The following NBAS variants were observed in gnomAD, a reference collection of about 807,000 sequenced individuals.
The protein encoded by NBAS is NAG/BC035112 fusion.
NBAS carries 219 observed loss-of-function variants against 302.5 expected under a neutral mutation model. The ratio of observed to expected loss-of-function variants is 0.72; its 90% CI spans 0.65 to 0.81. NBAS has a LOEUF of 0.81. Ranked by LOEUF, NBAS falls within the 30% of genes least tolerant of loss-of-function variation. The pLI is 0.00. For missense variants in NBAS, 2,932 were observed against 2,841.6 expected, an observed-to-expected ratio of 1.03 and a Z score of -0.72; for synonymous variants, 1,118 against 1,021.6, an observed-to-expected ratio of 1.09 and a Z score of -1.80.
intron 32 of NBAS, among the ~76,000 whole-genome samples, chr2:15,364,848 GAA>G (rs956115389): frequency 6.6e-6 from 1 of 152,020 alleles, no homozygotes; most frequent in African/African-American, 2.4e-5. Context: ...AAGAGATTGG[GAA>G]AATCTCTTTT....
the NBAS span, among the ~76,000 whole-genome samples, chr2:14,935,239 C>A: frequency 2.0e-5 from 3 of 152,114 alleles, no homozygotes; most frequent in Non-Finnish European, 4.4e-5. Flanking sequence ...TGTTTACATG[C>A]GGGACCTTAT....
At chr2:14,938,309 A>G in the NBAS span, among the ~76,000 whole-genome samples, 2 of 152,218 alleles carry the variant, frequency 1.3e-5, no homozygotes, top group African/African-American at 4.8e-5. Flanking sequence ...ATACATATAC[A>G]TACACACACA....
At chr2:14,789,642 C>T in the NBAS span, among the ~76,000 whole-genome samples, 1 of 152,220 alleles carries the variant, frequency 6.6e-6, no homozygotes, top group Admixed American at 6.5e-5. Flanking sequence ...TAGGCACAGA[C>T]ATCTTACAGT....
At chr2:15,375,145 T>G (rs11902128) in intron 30 of NBAS, among the ~76,000 whole-genome samples, 87,104 of 152,028 alleles carry the variant, frequency 0.57, 26,460 homozygotes, top group Non-Finnish European at 0.68. Context: ...TTGGTCACAA[T>G]GTGATGTCTC....
chr2:14,779,494 C>T, the NBAS span, among the ~76,000 whole-genome samples: 8,468 of 152,258 alleles, frequency 0.056, 332 homozygotes, highest in Non-Finnish European at 0.085. Flanking sequence ...TATGTTCCCT[C>T]CACCCTGCAA....
At chr2:14,849,490 A>G in the NBAS span, among the ~76,000 whole-genome samples, 1 of 152,046 alleles carries the variant, frequency 6.6e-6, no homozygotes, top group South Asian at 2.1e-4. Context: ...AATGGAACCA[A>G]GTTGGAAAAC....
At chr2:15,010,316 A>G in the NBAS span, among the ~76,000 whole-genome samples, 19 of 152,262 alleles carry the variant, frequency 1.2e-4, no homozygotes, top group South Asian at 3.7e-3. Context: ...AATTAATATG[A>G]AGAATAAAAG....
intron 21 of NBAS, among the ~76,000 whole-genome samples, chr2:15,453,173 T>C (rs757799902): frequency 7.9e-5 from 12 of 152,130 alleles, no homozygotes; most frequent in Non-Finnish European, 1.6e-4. Flanking sequence ...GAATTTCCTG[T>C]TGCACCATCA....
At chr2:15,120,120 G>T in the NBAS span, among the ~76,000 whole-genome samples, 5 of 152,246 alleles carry the variant, frequency 3.3e-5, no homozygotes, top group African/African-American at 1.2e-4. Flanking sequence ...AGTGTGGGAG[G>T]GTGGGCTGTC....
At chr2:14,793,948 G>C in the NBAS span, among the ~76,000 whole-genome samples, 106 of 152,168 alleles carry the variant, frequency 7.0e-4, 1 homozygote, top group Middle Eastern at 3.4e-3. Context: ...TCTATATCTG[G>C]AGAAACTATG....
At chr2:14,795,300 T>A in the NBAS span, among the ~76,000 whole-genome samples, 1 of 152,214 alleles carries the variant, frequency 6.6e-6, no homozygotes, top group East Asian at 1.9e-4. Flanking sequence ...CTAATATGTG[T>A]ATGGTAATAT....
At chr2:15,318,563 A>G (rs1671631186) in intron 38 of NBAS, among the ~76,000 whole-genome samples, 1 of 152,224 alleles carries the variant, frequency 6.6e-6, no homozygotes, top group African/African-American at 2.4e-5. Context: ...TCTACCAAGC[A>G]AATGGAAAGC....
At chr2:15,453,214 C>T (rs1188261139) in intron 21 of NBAS, among the ~76,000 whole-genome samples, 1 of 152,094 alleles carries the variant, frequency 6.6e-6, no homozygotes, top group Non-Finnish European at 1.5e-5. Flanking sequence ...AGGAACAAGG[C>T]CCAAGGAAAG....
At chr2:15,289,197 A>G (rs1325705360) in intron 41 of NBAS, among the ~76,000 whole-genome samples, 1 of 151,972 alleles carries the variant, frequency 6.6e-6, no homozygotes, top group Non-Finnish European at 1.5e-5. Flanking sequence ...CCACCCACCT[A>G]CCCACCTCAG....
At chr2:15,174,576 T>C (rs1664445366) in intron 51 of NBAS, among the ~76,000 whole-genome samples, 1 of 152,034 alleles carries the variant, frequency 6.6e-6, no homozygotes. Flanking sequence ...GCTAGGCGAG[T>C]TGTTGGGGTA....
At chr2:15,437,845 T>A (rs116208971) in intron 21 of NBAS, among the ~76,000 whole-genome samples, 6 of 152,166 alleles carry the variant, frequency 3.9e-5, no homozygotes, top group Non-Finnish European at 8.8e-5. Flanking sequence ...AAGTTAACAA[T>A]TGAGACACAA....
the NBAS span, among the ~76,000 whole-genome samples, chr2:14,852,634 A>G: frequency 1.4e-5 from 2 of 139,716 alleles, no homozygotes; most frequent in Admixed American, 1.4e-4. Flanking sequence ...AGCCAAAAGA[A>G]CAAAGCTGGA....
intron 24 of NBAS, among the ~76,000 whole-genome samples, chr2:15,416,026 G>T (rs1004862664): frequency 6.6e-6 from 1 of 152,012 alleles, no homozygotes; most frequent in African/African-American, 2.4e-5. Context: ...AAACCAACAT[G>T]CTGCTACTAC....
the NBAS span, among the ~76,000 whole-genome samples, chr2:14,875,024 C>CA: frequency 1.8e-3 from 271 of 149,508 alleles, no homozygotes; most frequent in African/African-American, 5.4e-3. Flanking sequence ...GTGTAATCTA[C>CA]AAAAAAAAAT....
Sources: gnomAD v4.1 joint callset for allele counts (sites outside exome capture counted in the v4.1 genomes callset) on GRCh38, gnomAD v4.1.1 for gene constraint, MANE v1.5 for transcripts, NCBI Gene and HGNC (gene_info 2026-07-23, HGNC 2026-07-21) for gene names.